Variants in LRRC1 observed in about 807,000 individuals in gnomAD.
The protein encoded by LRRC1 is leucine rich repeat containing 1, also known as leucine-rich repeat-containing protein 1.
LRRC1 carries 28 observed loss-of-function variants against 69.9 expected under a neutral mutation model. The ratio of observed to expected loss-of-function variants is 0.40; its 90% CI spans 0.30 to 0.55. LRRC1 has a LOEUF of 0.55. Ranked by LOEUF, LRRC1 falls within the 20% of genes least tolerant of loss-of-function variation. LRRC1 has a pLI of 0.47. For synonymous variants in LRRC1, 236 were observed against 240.2 expected (o/e 0.98, Z 0.16); for missense variants, 498 against 609.0 (o/e 0.82, Z 1.92).
chr6:53,811,995 G>T (rs1282079121), intron 1 of LRRC1, among the ~76,000 whole-genome samples: 1 of 152,236 alleles, frequency 6.6e-6, no homozygotes, highest in Non-Finnish European at 1.5e-5. Flanking sequence ...AGCCTGTGTT[G>T]TGAAGCTAAT....
At chr6:53,885,856 G>A (rs1581899274) in intron 4 of LRRC1, among the ~76,000 whole-genome samples, 2 of 152,090 alleles carry the variant, frequency 1.3e-5, no homozygotes, top group East Asian at 3.9e-4. Context: ...GAAGTTTTTA[G>A]GAGTTGATGG....
At position 53,922,789 on chromosome 6, in the gene LRRC1, T is replaced by G. The variant is rs1477183109; in HGVS notation, c.1571T>G (p.Val524Gly). Residue 524 changes from valine (V) to glycine (G), a missense_variant, in exon 14 of 14, where the codon GTG becomes GGG. Physicochemically the swap from Val to Gly is moderately radical, Grantham distance 109. Transcript: ENST00000370888. ...GCCATTGACCGAGTGACCACTTCTG[T>G]GTAGAGTTTCACCTCCAAGTTTTAC... ...NHAIDRVTTS[V>G] 1.2e-6 allele frequency: 2 copies of G among 1,612,730 alleles called. No homozygotes were observed. The highest frequency in any genetic ancestry group is 3.3e-5 in the Admixed American group (2 of 59,964).
At chr6:53,858,440 C>T (rs780858479) in intron 2 of LRRC1, among the ~76,000 whole-genome samples, 4 of 152,086 alleles carry the variant, frequency 2.6e-5, no homozygotes, top group African/African-American at 4.8e-5. Flanking sequence ...AACCCTCTCC[C>T]CCTCTGTGTT....
intron 1 of LRRC1, among the ~76,000 whole-genome samples, chr6:53,828,169 C>CAAAAAAAAA (rs35639473): frequency 4.4e-5 from 6 of 135,244 alleles, no homozygotes; most frequent in East Asian, 2.1e-4. Context: ...GTTCAAAGGC[C>CAAAAAAAAA]AAAAAAAAAA....
At chr6:53,841,098 G>A (rs572040705) in intron 1 of LRRC1, among the ~76,000 whole-genome samples, 1 of 152,276 alleles carries the variant, frequency 6.6e-6, no homozygotes, top group East Asian at 1.9e-4. Flanking sequence ...GGAGAAGAGA[G>A]GGTGGGATCT....
intron 2 of LRRC1, among the ~76,000 whole-genome samples, chr6:53,857,087 T>G (rs555683969): frequency 6.6e-6 from 1 of 152,174 alleles, no homozygotes. Context: ...ATGGAGCTGT[T>G]CAGTAGGCAG....
intron 2 of LRRC1, among the ~76,000 whole-genome samples, chr6:53,878,127 C>T (rs1383750895): frequency 6.6e-6 from 1 of 152,102 alleles, no homozygotes. Flanking sequence ...ACCATCAGGT[C>T]TCGTGAAACT....
intron 11 of LRRC1, 153 bp from the exon 12 acceptor site, chr6:53,919,345 G>C (rs1768667541): frequency 4.0e-6 from 2 of 505,846 alleles, no homozygotes; most frequent in Non-Finnish European, 6.5e-6. Context: ...CAAAGAGTAT[G>C]TTGCGTCTTA....
intron 3 of LRRC1, among the ~76,000 whole-genome samples, chr6:53,881,937 G>A (rs1188780505): frequency 6.6e-6 from 1 of 152,116 alleles, no homozygotes; most frequent in African/African-American, 2.4e-5. Context: ...TTATTTTAAA[G>A]CCTTGTTATT....
At chr6:53,849,818 ATAG>A (rs1766069187) in intron 2 of LRRC1, among the ~76,000 whole-genome samples, 1 of 152,220 alleles carries the variant, frequency 6.6e-6, no homozygotes, top group Non-Finnish European at 1.5e-5. Flanking sequence ...TTTTAAAAAC[ATAG>A]TGGTGTGTGA....
intron 1 of LRRC1, among the ~76,000 whole-genome samples, chr6:53,798,179 C>T (rs907523364): frequency 6.6e-6 from 1 of 152,276 alleles, no homozygotes; most frequent in Middle Eastern, 3.4e-3. Context: ...GGTTACTTCC[C>T]TAATCTTTTA....
intron 2 of LRRC1, among the ~76,000 whole-genome samples, chr6:53,867,826 G>A (rs1431631545): frequency 6.6e-6 from 1 of 151,636 alleles, no homozygotes; most frequent in African/African-American, 2.4e-5. Flanking sequence ...GTGGTGGCGT[G>A]CACCTGTAGT....
At chr6:53,880,205 T>C (rs1329790725) in intron 3 of LRRC1, among the ~76,000 whole-genome samples, 1 of 152,234 alleles carries the variant, frequency 6.6e-6, no homozygotes, top group East Asian at 1.9e-4. Context: ...GTTTTCTTTT[T>C]AAAACTATTT....
intron 1 of LRRC1, 116 bp from the exon 2 acceptor site, chr6:53,841,994 G>T (rs1049379574): frequency 1.1e-5 from 7 of 620,908 alleles, no homozygotes; most frequent in Admixed American, 2.9e-5. Flanking sequence ...TTAGGAAATT[G>T]ATGTTGCTAC....
At chr6:53,893,323 C>T (rs1241685034) in intron 4 of LRRC1, among the ~76,000 whole-genome samples, 1 of 152,122 alleles carries the variant, frequency 6.6e-6, no homozygotes, top group Non-Finnish European at 1.5e-5. Flanking sequence ...TAGTGAGGGA[C>T]AAGCAGGATT....
At chr6:53,853,901 C>T (rs1020683106) in intron 2 of LRRC1, among the ~76,000 whole-genome samples, 18 of 152,194 alleles carry the variant, frequency 1.2e-4, no homozygotes, top group Non-Finnish European at 2.5e-4. Context: ...GATCCTTTCT[C>T]AAGGTGTGGA....
In LRRC1 at chr6:53,902,512, G is replaced by A. The variant is rs1768092329; in HGVS notation, c.788-117G>A. ...TTCATAATGTGAAAAGCTAGATGAGGAAAAAATAAGTAACTGTTTAAAACA... is the reference window on the plus strand; with the variant it reads ...TTCATAATGTGAAAAGCTAGATGAGAAAAAAATAAGTAACTGTTTAAAACA... On this transcript the variant is annotated intron_variant, in intron 8 of 13. Transcript: ENST00000370888. 3 of 552,304 alleles carry A rather than the reference G, an allele frequency of 5.4e-6. No homozygotes were observed. The South Asian group carries it at 1.1e-4, about 21-fold the overall frequency. The allele number at this position is 552,304 out of a possible 1,614,324, so 34.2% of individuals were successfully genotyped here.
At chr6:53,800,399 A>C (rs1406806775) in intron 1 of LRRC1, among the ~76,000 whole-genome samples, 1 of 150,460 alleles carries the variant, frequency 6.6e-6, no homozygotes, top group Non-Finnish European at 1.5e-5. Flanking sequence ...TTACAGGCGC[A>C]CACCACCACG....
At chr6:53,882,797 A>G (rs1318195551) in intron 3 of LRRC1, 90 bp from the exon 4 acceptor site, 20 of 726,400 alleles carry the variant, frequency 2.8e-5, no homozygotes, top group Non-Finnish European at 4.2e-5. Flanking sequence ...TTCAGTTAGC[A>G]CATAGAATAA....
Sources: allele counts gnomAD v4.1 joint callset (sites outside exome capture counted in the v4.1 genomes callset), GRCh38; gene constraint gnomAD v4.1.1; transcripts MANE v1.5; gene names NCBI Gene and HGNC (gene_info 2026-07-23, HGNC 2026-07-21).